The following SWT1 variants were observed in gnomAD, a reference collection of about 807,000 sequenced individuals.
The protein encoded by SWT1 is transcriptional protein SWT1.
A neutral mutation model predicts 107.3 loss-of-function variants in SWT1; 33 were observed. That is an observed-to-expected ratio of 0.31 (90% CI 0.23 to 0.41). The LOEUF (loss-of-function observed/expected upper bound fraction) is 0.41, where lower values mean the gene tolerates loss of function less well. SWT1 is among the 10% of genes least tolerant of loss of function. The pLI, the probability that SWT1 is intolerant of heterozygous loss-of-function variation, is 1.00. For synonymous variants in SWT1, 345 were observed against 348.3 expected, an observed-to-expected ratio of 0.99 and a Z score of 0.11; for missense variants, 898 against 1,028.9, an observed-to-expected ratio of 0.87 and a Z score of 1.74.
In SWT1 at chr1:185,180,460, A is replaced by G. The variant is rs1226649698; in HGVS notation, c.1026+10A>G. On this transcript the variant is annotated intron_variant, in intron 6 of 18. Coordinates refer to ENST00000367500, the MANE Select transcript of SWT1 (RefSeq NM_017673.7). The stretch of plus-strand genomic sequence containing the variant: ...GGATGCAGATCAAGAGGTTATTGAT[A>G]TTCTTGTTTACTTTGATATTTTTAA... 1.3e-6 allele frequency: 2 copies of G among 1,590,650 alleles called. No homozygotes were observed. The highest frequency in any genetic ancestry group is 2.2e-5 in the East Asian group (1 of 44,782).
In SWT1 at chr1:185,168,322, T is replaced by TAAA. The variant is rs58809696; in HGVS notation, c.166-18_166-17insAAA. The stretch of plus-strand genomic sequence containing the variant: ...GTACCAGTGCACAATTTATGTGTCC[T>TAAA]TTTTTTATTTATTTCAGAAATCAGA... On this transcript the variant is annotated splice_polypyrimidine_tract_variant and intron_variant, in intron 3 of 18. Coordinates refer to ENST00000367500, the MANE Select transcript of SWT1 (RefSeq NM_017673.7). The TAAA allele has an allele frequency of 6.9e-6, 9 of 1,308,576 alleles. No individual in the cohort carries two copies. Among genetic ancestry groups the TAAA allele is most frequent in the African/African-American group, 1.6e-5 (1 of 60,846 alleles). The allele number at this position is 1,308,576 out of a possible 1,614,324, so 81.1% of individuals were successfully genotyped here. A position where few individuals can be genotyped will look rare whatever the true frequency, so the allele number is the denominator to read the frequency against.
intron 16 of SWT1, among the ~76,000 whole-genome samples, chr1:185,254,742 A>G (rs1662343624): frequency 1.3e-5 from 2 of 151,034 alleles, no homozygotes; most frequent in Non-Finnish European, 3.0e-5. Flanking sequence ...TCCTGGATTC[A>G]TTAATTTTTT....
chr1:185,288,440 A>G (rs144385215), intron 18 of SWT1, among the ~76,000 whole-genome samples: 2 of 152,272 alleles, frequency 1.3e-5, no homozygotes, highest in East Asian at 1.9e-4. Context: ...CAAATATGGT[A>G]CATTTACTTT....
chr1:185,207,517 T>A (rs1475434026), intron 13 of SWT1, among the ~76,000 whole-genome samples: 1 of 152,228 alleles, frequency 6.6e-6, no homozygotes, highest in Non-Finnish European at 1.5e-5. Flanking sequence ...ACTGATCTAA[T>A]GTTATTAAAG....
Position 185,182,001 on chromosome 1 carries a change from C to T in SWT1, c.1082C>T (p.Pro361Leu), listed in dbSNP as rs771992862. The T allele has an allele frequency of 1.2e-6, 2 of 1,613,798 alleles. No homozygotes were observed. The highest frequency in any genetic ancestry group is 1.1e-5 in the South Asian group (1 of 91,074). Reference protein sequence around the residue: ...AARVGKSVDLPGELMSMEIDL... With the variant: ...AARVGKSVDLLGELMSMEIDL... The stretch of plus-strand genomic sequence containing the variant: ...CGTGTGGGAAAAAGTGTGGATTTAC[C>T]TGGAGAGTTAATGAGTATGGAAATT... The change falls in exon 7 of 19, where the codon CCT (proline) becomes CTT (leucine). Residue 361 changes from proline to leucine, a missense_variant. Coordinates refer to ENST00000367500, the MANE Select transcript of SWT1 (RefSeq NM_017673.7).
At chr1:185,253,673 T>C (rs1252314173) in intron 16 of SWT1, among the ~76,000 whole-genome samples, 1 of 152,086 alleles carries the variant, frequency 6.6e-6, no homozygotes, top group African/African-American at 2.4e-5. Context: ...CTTAAGGAGA[T>C]TTTCGGCTGA....
chr1:185,176,513 T>C (rs1227412250), intron 5 of SWT1: 2 of 946,804 alleles, frequency 2.1e-6, no homozygotes, highest in East Asian at 2.3e-4. Flanking sequence ...TTGCCATTTA[T>C]GGACTACTTT....
rs760998844 is a variant in SWT1, at chr1:185,160,879, C to T, written c.38C>T (p.Ser13Phe). 4 of 1,613,288 alleles carry T rather than the reference C, an allele frequency of 2.5e-6. No homozygotes were observed. The highest frequency in any genetic ancestry group is 3.4e-6 in the Non-Finnish European group (4 of 1,179,718). Residue 13 changes from serine (S) to phenylalanine (F), a missense_variant, in exon 2 of 19, where the codon TCT (serine) becomes TTT (phenylalanine). By Grantham distance (155) the Ser-to-Phe change is radical. Around this residue, in one of 6 missense-constraint regions of SWT1, gnomAD observed 382 missense variants for 362.4 expected, o/e 1.05. Coordinates refer to ENST00000367500, the MANE Select transcript of SWT1 (RefSeq NM_017673.7). ...GAATCCTGTGGGAAAAAAGAGACAT[C>T]TCAGAGGAAAGACACCACCACCTCA... is the stretch of plus-strand genomic sequence containing the variant. ...SKESCGKKET[S>F]QRKDTTTSSP...
At chr1:185,262,786 CTTTTTTT>C (rs572086827) in intron 16 of SWT1, among the ~76,000 whole-genome samples, 4 of 135,474 alleles carry the variant, frequency 3.0e-5, no homozygotes, top group Non-Finnish European at 4.8e-5. Context: ...TTTCTTCTTT[CTTTTTTT>C]TTTTTTTTTT....
chr1:185,217,085 A>AAT (rs1659280048), intron 14 of SWT1, among the ~76,000 whole-genome samples: 1 of 152,194 alleles, frequency 6.6e-6, no homozygotes. Flanking sequence ...CTAGCATCCT[A>AAT]ATAGTGCTTT....
chr1:185,164,515 C>T (rs1340897597), intron 2 of SWT1, among the ~76,000 whole-genome samples: 1 of 152,176 alleles, frequency 6.6e-6, no homozygotes, highest in Non-Finnish European at 1.5e-5. Context: ...AGTGTAGCAA[C>T]CACCTTCATC....
At chr1:185,233,468 T>C (rs1388765839) in intron 16 of SWT1, among the ~76,000 whole-genome samples, 4 of 152,196 alleles carry the variant, frequency 2.6e-5, no homozygotes, top group Admixed American at 1.3e-4. Context: ...ACACACTGCT[T>C]TAAATGTGTC....
chr1:185,170,514 C>G (rs1571402928), intron 4 of SWT1, among the ~76,000 whole-genome samples: 1 of 152,188 alleles, frequency 6.6e-6, no homozygotes, highest in South Asian at 2.1e-4. Context: ...TTCGTGCCCC[C>G]ATTCAGGAGA....
chr1:185,178,283 G>A (rs929702850), intron 5 of SWT1, among the ~76,000 whole-genome samples: 1 of 152,154 alleles, frequency 6.6e-6, no homozygotes, highest in Non-Finnish European at 1.5e-5. Flanking sequence ...TATGACTAGA[G>A]TCAAGATGGG....
intron 16 of SWT1, among the ~76,000 whole-genome samples, chr1:185,247,721 T>C (rs1193069134): frequency 6.6e-6 from 1 of 152,202 alleles, no homozygotes; most frequent in African/African-American, 2.4e-5. Flanking sequence ...TGCTTCAGTA[T>C]GTATGGCTCT....
intron 9 of SWT1, among the ~76,000 whole-genome samples, chr1:185,186,477 A>C (rs1656473734): frequency 6.6e-6 from 1 of 152,194 alleles, no homozygotes; most frequent in South Asian, 2.1e-4. Context: ...TCATTATAGC[A>C]TTATTTATGT....
intron 16 of SWT1, among the ~76,000 whole-genome samples, chr1:185,239,952 A>G (rs1016868921): frequency 6.6e-5 from 10 of 152,086 alleles, no homozygotes; most frequent in Non-Finnish European, 1.3e-4. Context: ...CATTGTCTAC[A>G]TGTATTTTTG....
chr1:185,174,100 GATA>G (rs1558011594), intron 4 of SWT1, among the ~76,000 whole-genome samples: 1 of 151,980 alleles, frequency 6.6e-6, no homozygotes. Flanking sequence ...AAATTATTAT[GATA>G]ATAATAATTA....
rs1433344799 is a variant in SWT1 at position 185,172,155 on chromosome 1, T to C, written c.225-2217T>C. On this transcript the variant is annotated intron_variant, in intron 4 of 18. Coordinates refer to ENST00000367500, the MANE Select transcript of SWT1 (RefSeq NM_017673.7). Reference sequence around the variant, plus strand: ...CTGAAAAGGCACACATTTACTGATATAAATTAATAGATTGTGTTTGACATT... The same window carrying C: ...CTGAAAAGGCACACATTTACTGATACAAATTAATAGATTGTGTTTGACATT... Among the ~76,000 whole-genome samples, 3 of 152,212 alleles carry C rather than the reference T, an allele frequency of 2.0e-5. No homozygotes were observed. In the East Asian group the frequency reaches 5.8e-4, roughly 29 times the overall value.
Sources: allele counts gnomAD v4.1 joint callset (sites outside exome capture counted in the v4.1 genomes callset), GRCh38; gene constraint gnomAD v4.1.1; regional missense constraint gnomAD v4.1.1; transcripts MANE v1.5; gene names NCBI Gene and HGNC (gene_info 2026-07-23, HGNC 2026-07-21).